Variants in XIRP2 observed in about 807,000 individuals in gnomAD.
XIRP2 encodes the protein xin actin-binding repeat-containing protein 2.
A neutral mutation model predicts 277.0 loss-of-function variants in XIRP2; 236 were observed. The ratio of observed to expected loss-of-function variants is 0.85; its 90% CI spans 0.77 to 0.95. XIRP2 has a LOEUF of 0.95. XIRP2 is among the 40% of genes least tolerant of loss of function. XIRP2 has a pLI of 0.00. For missense variants in XIRP2, 4,640 were observed against 4,157.5 expected (o/e 1.12, Z -3.19); for synonymous variants, 1,490 against 1,416.5 (o/e 1.05, Z -1.17).
intron 2 of XIRP2, among the ~76,000 whole-genome samples, chr2:167,033,730 T>C (rs1688428774): frequency 6.6e-6 from 1 of 152,074 alleles, no homozygotes; most frequent in African/African-American, 2.4e-5. Context: ...TGGCATGACA[T>C]ATATAAGATA....
intron 2 of XIRP2, among the ~76,000 whole-genome samples, chr2:167,094,823 C>A (rs1420751397): frequency 6.6e-6 from 1 of 152,086 alleles, no homozygotes; most frequent in African/African-American, 2.4e-5. Context: ...TCCATATGAA[C>A]TTTAAAGTAG....
At chr2:167,204,917 T>C (rs957018144) in intron 3 of XIRP2, among the ~76,000 whole-genome samples, 3 of 152,240 alleles carry the variant, frequency 2.0e-5, no homozygotes, top group African/African-American at 7.2e-5. Flanking sequence ...TTTAACTCTT[T>C]AGCCATCTGG....
Position 167,244,179 on chromosome 2 carries a change from G to T in XIRP2, c.2787G>T (p.Lys929Asn), listed in dbSNP as rs576023139. 1 of 1,613,596 alleles carries T rather than the reference G, an allele frequency of 6.2e-7. No homozygotes were observed. Among genetic ancestry groups the T allele is most frequent in the Admixed American group, 1.7e-5 (1 of 59,954 alleles). Residue 929 changes from lysine to asparagine, a missense_variant, in exon 9 of 11, where the codon AAG becomes AAT. Transcript: ENST00000409195. Reference protein sequence around the residue: ...QPLEDIRKDKKEYTRTVKLEE... With the variant: ...QPLEDIRKDKNEYTRTVKLEE... ...TGGAAGACATTAGAAAAGATAAAAA[G>T]GAGTACACACGAACAGTGAAACTTG... is the stretch of plus-strand genomic sequence containing the variant.
intron 5 of XIRP2, among the ~76,000 whole-genome samples, chr2:167,238,367 G>A (rs1694960605): frequency 6.6e-6 from 1 of 151,914 alleles, no homozygotes; most frequent in Non-Finnish European, 1.5e-5. Flanking sequence ...TTTTGTCTTT[G>A]GCTTTTTGTA....
At chr2:167,210,031 C>A (rs1693975855) in intron 3 of XIRP2, among the ~76,000 whole-genome samples, 1 of 152,032 alleles carries the variant, frequency 6.6e-6, no homozygotes, top group Admixed American at 6.6e-5. Flanking sequence ...AAGTAGATGG[C>A]TTCATGGGTA....
chr2:166,997,984 C>T (rs908094654), intron 2 of XIRP2, among the ~76,000 whole-genome samples: 3 of 151,738 alleles, frequency 2.0e-5, no homozygotes, highest in East Asian at 3.9e-4. Flanking sequence ...GATTTCTATA[C>T]ATCACATAGA....
At chr2:167,203,023 C>G (rs983439722) in intron 3 of XIRP2, among the ~76,000 whole-genome samples, 1 of 152,294 alleles carries the variant, frequency 6.6e-6, no homozygotes, top group African/African-American at 2.4e-5. Flanking sequence ...TCTCCCGTCT[C>G]AATGCTCCTG....
intron 1 of XIRP2, among the ~76,000 whole-genome samples, chr2:166,902,117 A>C (rs1017125847): frequency 6.6e-6 from 1 of 152,132 alleles, no homozygotes; most frequent in African/African-American, 2.4e-5. Flanking sequence ...AGTAAAACCC[A>C]ACCTGGGACT....
chr2:167,231,987 C>T (rs1475115776), intron 5 of XIRP2, among the ~76,000 whole-genome samples: 3 of 151,946 alleles, frequency 2.0e-5, no homozygotes, highest in Admixed American at 6.6e-5. Context: ...TAGTCTTATT[C>T]TCCAGTTTCC....
At chr2:167,013,733 G>A (rs1687745976) in intron 2 of XIRP2, among the ~76,000 whole-genome samples, 1 of 151,562 alleles carries the variant, frequency 6.6e-6, no homozygotes, top group Non-Finnish European at 1.5e-5. Context: ...GGATCAAAAA[G>A]TAACTTATAG....
intron 2 of XIRP2, among the ~76,000 whole-genome samples, chr2:167,000,993 A>G (rs1430949637): frequency 2.0e-5 from 3 of 152,132 alleles, no homozygotes; most frequent in Non-Finnish European, 4.4e-5. Context: ...GTTATAGTGT[A>G]TTATTATTGT....
chr2:167,045,232 A>G (rs1244898751), intron 2 of XIRP2, among the ~76,000 whole-genome samples: 1 of 152,070 alleles, frequency 6.6e-6, no homozygotes, highest in East Asian at 1.9e-4. Context: ...TCCTCCTTTC[A>G]CCATACAGAA....
chr2:167,084,571 T>A (rs1474070147), intron 2 of XIRP2, among the ~76,000 whole-genome samples: 1 of 151,984 alleles, frequency 6.6e-6, no homozygotes, highest in Non-Finnish European at 1.5e-5. Flanking sequence ...CATCTGGTCC[T>A]GGAGTCTTTT....
chr2:166,999,325 C>T (rs985917350), intron 2 of XIRP2, among the ~76,000 whole-genome samples: 1 of 151,990 alleles, frequency 6.6e-6, no homozygotes, highest in African/African-American at 2.4e-5. Flanking sequence ...TTATTTTATT[C>T]TGTTTATTTC....
chr2:167,232,748 A>G (rs1403059688), intron 5 of XIRP2, among the ~76,000 whole-genome samples: 2 of 151,910 alleles, frequency 1.3e-5, no homozygotes, highest in Non-Finnish European at 2.9e-5. Flanking sequence ...CAGTATTATT[A>G]TTTGGTTTTT....
At chr2:166,936,034 T>C (rs1253412173) in intron 2 of XIRP2, among the ~76,000 whole-genome samples, 1 of 152,214 alleles carries the variant, frequency 6.6e-6, no homozygotes, top group African/African-American at 2.4e-5. Flanking sequence ...ACCAACAGTG[T>C]AAAAGTGTTC....
At position 167,240,020 on chromosome 2, in the gene XIRP2, T is replaced by C. The variant is rs1273299198; in HGVS notation, c.969+55T>C. 28 of 1,458,276 alleles carry C rather than the reference T, an allele frequency of 1.9e-5. No individual in the cohort carries two copies. The East Asian group carries it at 6.4e-4, about 33-fold the overall frequency. The allele number at this position is 1,458,276 out of a possible 1,614,324, so 90.3% of individuals were successfully genotyped here. On this transcript the variant is annotated intron_variant, in intron 6 of 10. Coordinates refer to ENST00000409195, the MANE Select transcript of XIRP2 (RefSeq NM_152381.6). ...ACAGTTTCCAGGACTGTATGGAAAT[T>C]ATGACTTTGTTGTAAGCATTTGCAT...
intron 4 of XIRP2, among the ~76,000 whole-genome samples, chr2:167,213,708 C>T (rs1694128554): frequency 6.6e-6 from 1 of 152,174 alleles, no homozygotes; most frequent in Non-Finnish European, 1.5e-5. Context: ...ACGGTCCCCA[C>T]CTGAGCAAGG....
Position 167,246,991 on chromosome 2 carries a change from A to G in XIRP2, c.5599A>G (p.Asn1867Asp). 6.2e-7 allele frequency: 1 copy of G among 1,613,740 alleles called. No individual in the cohort carries two copies. The highest frequency in any genetic ancestry group is 8.5e-7 in the Non-Finnish European group (1 of 1,179,782). The change falls in exon 9 of 11, where the codon AAC (asparagine) becomes GAC (aspartate). Residue 1867 changes from asparagine to aspartate, a missense_variant. Asn to Asp is a conservative substitution (Grantham distance 23). Transcript: ENST00000409195. ...GAAAACAGAAGAAATTATAAAAGGTAACATGCTAGCCACACTCAAGTCACT... is the reference window on the plus strand; with the variant it reads ...GAAAACAGAAGAAATTATAAAAGGTGACATGCTAGCCACACTCAAGTCACT... ...VTKTEEIIKG[N>D]MLATLKSLKE...
Sources: gnomAD v4.1 joint callset for allele counts (sites outside exome capture counted in the v4.1 genomes callset) on GRCh38, gnomAD v4.1.1 for gene constraint, MANE v1.5 for transcripts, NCBI Gene and HGNC (gene_info 2026-07-23, HGNC 2026-07-21) for gene names.